NEO1: variants seen among roughly 807,000 people sequenced by gnomAD.
The protein encoded by NEO1 is neogenin.
In NEO1, 63 loss-of-function variants were observed where a neutral mutation model predicts 159.7. The observed-to-expected ratio is 0.39, with a 90% CI of 0.32 to 0.49. The LOEUF is 0.49. NEO1 is among the 20% of genes least tolerant of loss of function. NEO1 has a pLI of 0.85. For synonymous variants in NEO1, 633 were observed against 662.0 expected, an observed-to-expected ratio of 0.96 and a Z score of 0.67; for missense variants, 1,615 against 1,831.0, an observed-to-expected ratio of 0.88 and a Z score of 2.15.
chr15:73,219,273 C>T (rs1463409242), intron 7 of NEO1, among the ~76,000 whole-genome samples: 16 of 149,996 alleles, frequency 1.1e-4, no homozygotes, highest in Non-Finnish European at 2.1e-4. Context: ...TTTGATTGCA[C>T]TGTGGTCTGA....
At chr15:73,191,245 T>C (rs984924834) in intron 7 of NEO1, among the ~76,000 whole-genome samples, 1 of 152,090 alleles carries the variant, frequency 6.6e-6, no homozygotes, top group Non-Finnish European at 1.5e-5. Flanking sequence ...TAAACAGTCA[T>C]CTCTGCACAG....
rs933194595 is a variant in NEO1 at position 73,228,468 on chromosome 15, T to TG, written c.1292-7879_1292-7878insG. 1.8e-3 allele frequency among the ~76,000 whole-genome samples: 273 copies of TG among 149,034 alleles called. 1 individual carries two copies. The highest frequency in any genetic ancestry group is 6.7e-3 in the African/African-American group (266 of 39,576). ...TCATTATGTATTTTGGGTATAAGTT[T>TG]TTTTTTTTTTTATCAGATACATGAT... On this transcript the variant is annotated intron_variant, in intron 7 of 28. Coordinates refer to ENST00000261908, the MANE Select transcript of NEO1 (RefSeq NM_002499.4).
intron 1 of NEO1, among the ~76,000 whole-genome samples, chr15:73,094,486 C>T (rs1193145788): frequency 6.6e-6 from 1 of 152,072 alleles, no homozygotes; most frequent in Non-Finnish European, 1.5e-5. Context: ...GGTTTATTTG[C>T]GTGTTTATAC....
In NEO1 at chr15:73,289,142, C is replaced by G. The variant is rs778568338; in HGVS notation, c.3650-4C>G. The stretch of plus-strand genomic sequence containing the variant: ...GGTAACTAACCTCCACGTTTAACAT[C>G]TAGGGCATGAGTCAGAGGACAGCAT... On this transcript the variant is annotated splice_region_variant and splice_polypyrimidine_tract_variant and intron_variant, in intron 24 of 28. Transcript: ENST00000261908. 1.1e-5 allele frequency: 18 copies of G among 1,613,652 alleles called. No homozygotes were observed. Among genetic ancestry groups the G allele is most frequent in the Non-Finnish European group, 1.5e-5 (18 of 1,179,662 alleles).
At chr15:73,153,086 C>A (rs917589412) in intron 5 of NEO1, among the ~76,000 whole-genome samples, 1 of 152,142 alleles carries the variant, frequency 6.6e-6, no homozygotes, top group East Asian at 1.9e-4. Context: ...AGTCTGAAGG[C>A]CTGAGAACCA....
intron 8 of NEO1, among the ~76,000 whole-genome samples, chr15:73,240,042 G>A (rs563974808): frequency 1.3e-5 from 2 of 152,216 alleles, no homozygotes; most frequent in Non-Finnish European, 2.9e-5. Context: ...ATCCTGCCAT[G>A]CACAGGACAG....
rs183955601 is a variant in NEO1 at position 73,140,294 on chromosome 15, G to T, written c.1015+4267G>T. Among the ~76,000 whole-genome samples the T allele has an allele frequency of 2.4e-4, 36 of 152,262 alleles. No homozygotes were observed. The East Asian group carries it at 5.6e-3, about 24-fold the overall frequency. ...ACACTGGCTAGGCGCAGTGACTCATGCCTGTAATCCCAGCACTTTGAGAGG... is the reference window on the plus strand; with the variant it reads ...ACACTGGCTAGGCGCAGTGACTCATTCCTGTAATCCCAGCACTTTGAGAGG... On this transcript the variant is annotated intron_variant, in intron 5 of 28. Coordinates refer to ENST00000261908, the MANE Select transcript of NEO1 (RefSeq NM_002499.4).
chr15:73,052,556 A>AGCAGCGGCGGCCGCGGGAGCCGAGCTT lies in NEO1; in HGVS notation c.-113_-87dup, dbSNP rs1361431674. On this transcript the variant is annotated 5_prime_UTR_variant, in exon 1 of 29. Transcript: ENST00000261908. ...GCCGGGCCGGGCCGGGCTGGGCTGG[A>AGCAGCGGCGGCCGCGGGAGCCGAGCTT]GCAGCGGCGGCCGCGGGAGCCGAGC... The AGCAGCGGCGGCCGCGGGAGCCGAGCTT allele has an allele frequency of 1.0e-4, 50 of 493,602 alleles. No homozygotes were observed. In the African/African-American group the frequency reaches 1.0e-3, roughly 10 times the overall value. 30.6% of individuals were successfully genotyped at this position (493,602 alleles called of 1,614,324 possible).
intron 11 of NEO1, among the ~76,000 whole-genome samples, chr15:73,252,398 A>G (rs929023607): frequency 6.6e-6 from 1 of 152,222 alleles, no homozygotes; most frequent in Non-Finnish European, 1.5e-5. Context: ...AAAGTGAGGA[A>G]CTAAAGTTAC....
intron 23 of NEO1, among the ~76,000 whole-genome samples, chr15:73,286,442 TACAG>T (rs2041952464): frequency 6.6e-6 from 1 of 152,206 alleles, no homozygotes; most frequent in Non-Finnish European, 1.5e-5. Flanking sequence ...AGCCATCAAA[TACAG>T]ACATTCCTCA....
chr15:73,084,326 G>A (rs2069232856), intron 1 of NEO1, among the ~76,000 whole-genome samples: 1 of 151,922 alleles, frequency 6.6e-6, no homozygotes, highest in Admixed American at 6.6e-5. Flanking sequence ...TTCAACCTCT[G>A]GTAACCACCA....
rs565219390 is a variant in NEO1 at position 73,060,359 on chromosome 15, A to G, written c.130+7554A>G. On this transcript the variant is annotated intron_variant, in intron 1 of 28. Coordinates refer to ENST00000261908, the MANE Select transcript of NEO1 (RefSeq NM_002499.4). The stretch of plus-strand genomic sequence containing the variant: ...GCTCACTGCAACCTCTGCCTCCCAG[A>G]TTCAAGCCATTCTGCTGCCTCAGCC... Among the ~76,000 whole-genome samples the G allele has an allele frequency of 1.7e-3, 260 of 151,860 alleles. 1 individual carries two copies. The highest frequency in any genetic ancestry group is 6.0e-3 in the African/African-American group (249 of 41,416).
intron 1 of NEO1, among the ~76,000 whole-genome samples, chr15:73,056,337 C>T (rs1271524322): frequency 6.6e-6 from 1 of 152,222 alleles, no homozygotes; most frequent in African/African-American, 2.4e-5. Flanking sequence ...TTTTTCTCTA[C>T]CAGCTTTCTC....
At position 73,229,127 on chromosome 15, in the gene NEO1, C is replaced by G. The variant is rs927963934; in HGVS notation, c.1292-7220C>G. The stretch of plus-strand genomic sequence containing the variant: ...AGCATGTTAATAGTTGCCTTATTAA[C>G]AACTTTGAGTTGTTCAATTCATGAA... On this transcript the variant is annotated intron_variant, in intron 7 of 28. Coordinates refer to ENST00000261908, the MANE Select transcript of NEO1 (RefSeq NM_002499.4). 8.5e-5 allele frequency among the ~76,000 whole-genome samples: 13 copies of G among 152,076 alleles called. 1 individual carries two copies.
At chr15:73,098,899 T>A (rs1438719250) in intron 1 of NEO1, among the ~76,000 whole-genome samples, 1 of 152,172 alleles carries the variant, frequency 6.6e-6, no homozygotes, top group African/African-American at 2.4e-5. Context: ...GCCTACAGAG[T>A]ATGTCATCAA....
intron 27 of NEO1, among the ~76,000 whole-genome samples, chr15:73,300,732 A>G (rs1040804133): frequency 1.3e-5 from 2 of 152,184 alleles, no homozygotes; most frequent in African/African-American, 4.8e-5. Context: ...CTCCGTCTCA[A>G]AAAAAAAGAC....
In NEO1 at chr15:73,254,727, G is replaced by A; in HGVS notation, c.1990G>A (p.Gly664Arg). 6.2e-7 allele frequency: 1 copy of A among 1,613,930 alleles called. No homozygotes were observed. Among genetic ancestry groups the A allele is most frequent in the Non-Finnish European group, 8.5e-7 (1 of 1,179,934 alleles). ...WQPPAPATQN[G>R]QITGYKIRYR... ...GCCACCTGCTCCAGCCACACAAAATGGGCAGATTACTGGCTACAAGATTCG... is the reference window on the plus strand; with the variant it reads ...GCCACCTGCTCCAGCCACACAAAATAGGCAGATTACTGGCTACAAGATTCG... The change falls in exon 13 of 29, where the codon GGG becomes AGG. Residue 664 changes from glycine (G) to arginine (R), a missense_variant. By Grantham distance (125) the Gly-to-Arg change is moderately radical. This residue lies in a region of NEO1 where 1,018 missense variants were observed against 1,115.4 expected (regional missense o/e 0.91). Transcript: ENST00000261908.
intron 7 of NEO1, among the ~76,000 whole-genome samples, chr15:73,214,357 T>C (rs1036170301): frequency 1.3e-5 from 2 of 152,240 alleles, no homozygotes; most frequent in Non-Finnish European, 2.9e-5. Context: ...TAAGCCAATG[T>C]CTAGAAGGGT....
At chr15:73,088,016 G>A (rs1393743317) in intron 1 of NEO1, among the ~76,000 whole-genome samples, 1 of 151,922 alleles carries the variant, frequency 6.6e-6, no homozygotes, top group African/African-American at 2.4e-5. Context: ...TTTGACATAT[G>A]TAAGGCTGCT....
Sources: gnomAD v4.1 joint callset for allele counts (sites outside exome capture counted in the v4.1 genomes callset) on GRCh38, gnomAD v4.1.1 for gene constraint, gnomAD v4.1.1 regional missense constraint, MANE v1.5 for transcripts, NCBI Gene and HGNC (gene_info 2026-07-23, HGNC 2026-07-21) for gene names.